ATP9B: variants seen among roughly 807,000 people sequenced by gnomAD.
ATP9B encodes the protein ATPase phospholipid transporting 9B.
ATP9B carries 110 observed loss-of-function variants against 146.1 expected under a neutral mutation model. That is an observed-to-expected ratio of 0.75 (90% CI 0.65 to 0.88). The LOEUF (loss-of-function observed/expected upper bound fraction) is 0.88. Ranked by LOEUF, ATP9B falls within the 40% of genes least tolerant of loss-of-function variation. The probability of loss-of-function intolerance (pLI) is 0.00; values close to 1 mark genes in which losing one functional copy is unlikely to be tolerated. For synonymous variants in ATP9B, 604 were observed against 569.7 expected, an observed-to-expected ratio of 1.06 and a Z score of -0.86; for missense variants, 1,499 against 1,496.4, an observed-to-expected ratio of 1.00 and a Z score of -0.03.
At position 79,330,096 on chromosome 18, in the gene ATP9B, G is replaced by GA; in HGVS notation, c.2022dup (p.Glu675ArgfsTer30). ...TATCGTGCAGTATAATGACTGGCTG[G>GA]AAGAGGAGGTATGTGAGTGACTCTA... On this transcript the variant is annotated frameshift_variant, in exon 17 of 30. Transcript: ENST00000426216. LOFTEE classifies it high-confidence loss of function. 1 of 1,613,962 alleles carries GA rather than the reference G, an allele frequency of 6.2e-7. No individual in the cohort carries two copies. Among genetic ancestry groups the GA allele is most frequent in the African/African-American group, 1.3e-5 (1 of 75,048 alleles).
intron 9 of ATP9B, among the ~76,000 whole-genome samples, chr18:79,200,051 GTTGT>G (rs2095453524): frequency 6.6e-6 from 1 of 152,188 alleles, no homozygotes; most frequent in South Asian, 2.1e-4. Flanking sequence ...TAGTAACATA[GTTGT>G]TTGTTATTTA....
intron 9 of ATP9B, 45 bp downstream of exon 9, chr18:79,193,308 G>A (rs2095386796): frequency 6.9e-7 from 1 of 1,448,680 alleles, no homozygotes; most frequent in Non-Finnish European, 9.6e-7. Context: ...TATTGTGTAA[G>A]TTAAAAGTAG....
chr18:79,337,530 A>G, intron 19 of ATP9B, 81 bp downstream of exon 19: 1 of 1,531,456 alleles, frequency 6.5e-7, no homozygotes, highest in Non-Finnish European at 8.7e-7. Context: ...GTGATTTGTG[A>G]AACTCCTGTG....
chr18:79,101,274 A>C (rs2075262931), intron 2 of ATP9B, among the ~76,000 whole-genome samples: 1 of 152,072 alleles, frequency 6.6e-6, no homozygotes, highest in African/African-American at 2.4e-5. Context: ...ATCTCGTTTT[A>C]ATATCAAGAA....
chr18:79,221,293 A>T (rs528448108), intron 11 of ATP9B, among the ~76,000 whole-genome samples: 133 of 152,232 alleles, frequency 8.7e-4, no homozygotes, highest in Non-Finnish European at 1.6e-3. Context: ...CTCCTGCAGG[A>T]CATGAAGGAG....
At chr18:79,230,605 C>T (rs1381424436) in intron 11 of ATP9B, among the ~76,000 whole-genome samples, 1 of 152,120 alleles carries the variant, frequency 6.6e-6, no homozygotes, top group Non-Finnish European at 1.5e-5. Context: ...ATCCCATGCT[C>T]ATGGATGGGT....
At chr18:79,171,110 A>G (rs1403825771) in intron 7 of ATP9B, among the ~76,000 whole-genome samples, 2 of 152,328 alleles carry the variant, frequency 1.3e-5, no homozygotes, top group East Asian at 3.9e-4. Context: ...TTTTTACTTA[A>G]AAACAGAATT....
chr18:79,171,791 A>ACC (rs1279908576), intron 7 of ATP9B, among the ~76,000 whole-genome samples: 7 of 152,204 alleles, frequency 4.6e-5, no homozygotes, highest in Non-Finnish European at 8.8e-5. Context: ...ACCCTGGGTA[A>ACC]CCTTGAATTT....
In ATP9B at chr18:79,214,016, A is replaced by G; in HGVS notation, c.1085A>G (p.Asn362Ser). ...YTGKETRSVM[N>S]TSNPKNKVGL... ...GGAAAAGAGACTCGAAGTGTAATGA[A>G]CACATCCAATCCAAAAAATAAGGTA... Residue 362 changes from asparagine to serine, a missense_variant, in exon 11 of 30, where the codon AAC becomes AGC. By Grantham distance (46) the Asn-to-Ser change is conservative. Transcript: ENST00000426216. The G allele has an allele frequency of 3.7e-6, 6 of 1,601,986 alleles. No homozygotes were observed. The highest frequency in any genetic ancestry group is 4.3e-6 in the Non-Finnish European group (5 of 1,176,402).
chr18:79,312,532 C>T (rs907934473), intron 15 of ATP9B, among the ~76,000 whole-genome samples: 3 of 152,194 alleles, frequency 2.0e-5, no homozygotes, highest in African/African-American at 4.8e-5. Flanking sequence ...GGGCATCCCT[C>T]TCCGTGTTTT....
chr18:79,336,816 T>A, intron 18 of ATP9B, 105 bp downstream of exon 18: 1 of 1,206,516 alleles, frequency 8.3e-7, no homozygotes, highest in Non-Finnish European at 1.2e-6. Flanking sequence ...ATCGCTATAG[T>A]CTAGGAGTGA....
chr18:79,103,834 TGTG>T (rs2075461497), intron 2 of ATP9B, among the ~76,000 whole-genome samples: 1 of 152,030 alleles, frequency 6.6e-6, no homozygotes, highest in Non-Finnish European at 1.5e-5. Context: ...TGTGGGGAGT[TGTG>T]GTGAGGTAGG....
In ATP9B at chr18:79,268,117, G is replaced by A. The variant is rs139971894; in HGVS notation, c.1269-8937G>A. ...AGGGACTTTCTTTATCTCTACTAAA[G>A]CTTTTTGCATTAAATTCTACTTTGT... On this transcript the variant is annotated intron_variant, in intron 12 of 29. Transcript: ENST00000426216. Among the ~76,000 whole-genome samples the A allele has an allele frequency of 5.3e-5, 8 of 152,156 alleles. 1 individual carries two copies. The East Asian group carries it at 1.5e-3, about 29-fold the overall frequency.
At chr18:79,163,818 T>C (rs2094919653) in intron 7 of ATP9B, among the ~76,000 whole-genome samples, 1 of 151,800 alleles carries the variant, frequency 6.6e-6, no homozygotes, top group South Asian at 2.1e-4. Context: ...TATTTACCTT[T>C]AGGAATAGTT....
chr18:79,307,029 T>C lies in ATP9B; in HGVS notation c.1568T>C (p.Leu523Pro). The C allele has an allele frequency of 6.2e-7, 1 of 1,614,182 alleles. No individual in the cohort carries two copies. ...GGAAACAATACTGGTTCAACTCCAC[T>C]AAGAAAAGCCCAATCTTCAGCTCCC... Reference protein sequence around the residue: ...AGGNNTGSTPLRKAQSSAPKV... With the variant: ...AGGNNTGSTPPRKAQSSAPKV... The change falls in exon 15 of 30, where the codon CTA becomes CCA. Residue 523 changes from leucine to proline, a missense_variant. By Grantham distance (98) the Leu-to-Pro change is moderately conservative. Coordinates refer to ENST00000426216, the MANE Select transcript of ATP9B (RefSeq NM_198531.5).
chr18:79,256,257 C>CTATATATATATATATATATATATATA lies in ATP9B; in HGVS notation c.1268+2721_1268+2746dup, dbSNP rs10531617. Among the ~76,000 whole-genome samples, 49 of 100,350 alleles carry CTATATATATATATATATATATATATA rather than the reference C, an allele frequency of 4.9e-4. 2 individuals carry two copies. Among genetic ancestry groups the CTATATATATATATATATATATATATA allele is most frequent in the African/African-American group, 1.6e-3 (34 of 21,604 alleles). The allele number at this position is 100,350 out of a possible 152,430, so 65.8% of individuals were successfully genotyped here. ...ATGCCATTTTGTGAATTCTAGCTAG[C>CTATATATATATATATATATATATATA]TATATATATATATATATATATATAT... On this transcript the variant is annotated intron_variant, in intron 12 of 29. Coordinates refer to ENST00000426216, the MANE Select transcript of ATP9B (RefSeq NM_198531.5).
At chr18:79,261,891 A>C (rs2096145639) in intron 12 of ATP9B, among the ~76,000 whole-genome samples, 1 of 152,148 alleles carries the variant, frequency 6.6e-6, no homozygotes, top group Non-Finnish European at 1.5e-5. Context: ...CTCCCACTTT[A>C]TAATAGGCAG....
chr18:79,083,184 C>T (rs1294022539), intron 1 of ATP9B, among the ~76,000 whole-genome samples: 1 of 152,186 alleles, frequency 6.6e-6, no homozygotes, highest in Non-Finnish European at 1.5e-5. Context: ...GTCAGACTTC[C>T]CAGCGGCTTT....
At chr18:79,233,034 A>G (rs922045758) in intron 11 of ATP9B, among the ~76,000 whole-genome samples, 2 of 152,134 alleles carry the variant, frequency 1.3e-5, no homozygotes, top group African/African-American at 4.8e-5. Context: ...GCTCACGCCT[A>G]TAATCTCAGC....
Sources: allele counts gnomAD v4.1 joint callset (sites outside exome capture counted in the v4.1 genomes callset), GRCh38; gene constraint gnomAD v4.1.1; transcripts MANE v1.5; gene names NCBI Gene and HGNC (gene_info 2026-07-23, HGNC 2026-07-21).